The following XPR1 variants were observed in gnomAD, a reference collection of about 807,000 sequenced individuals.
XPR1 encodes the protein xenotropic and polytropic retrovirus receptor 1.
Under a neutral mutation model 87.5 loss-of-function variants are expected in XPR1, and 28 were observed. That is an observed-to-expected ratio of 0.32 (90% confidence interval 0.24 to 0.44). The LOEUF (loss-of-function observed/expected upper bound fraction) is 0.44. Among genes scored for constraint, XPR1 ranks in the 20% least tolerant of loss-of-function variants. The pLI, the probability that XPR1 is intolerant of heterozygous loss-of-function variation, is 1.00. For synonymous variants in XPR1, 300 were observed against 306.1 expected (o/e 0.98, Z 0.21); for missense variants, 559 against 862.3 (o/e 0.65, Z 4.41).
chr1:180,682,415 A>G lies in XPR1; in HGVS notation c.121+4A>G, dbSNP rs1020653779. The G allele has an allele frequency of 1.9e-6, 3 of 1,601,166 alleles. No individual in the cohort carries two copies. Among genetic ancestry groups the G allele is most frequent in the Non-Finnish European group, 1.7e-6 (2 of 1,173,456 alleles). On this transcript the variant is annotated splice_donor_region_variant and intron_variant, in intron 2 of 14. Transcript: ENST00000367590. ...GACCAGGCACCTTCTGTGGAAGGTAAGATGAATTAACCCTTAAGTTTAGTC... is the reference window on the plus strand; with the variant it reads ...GACCAGGCACCTTCTGTGGAAGGTAGGATGAATTAACCCTTAAGTTTAGTC...
intron 2 of XPR1, among the ~76,000 whole-genome samples, chr1:180,786,426 C>CT (rs1649142346): frequency 6.6e-6 from 1 of 152,086 alleles, no homozygotes; most frequent in African/African-American, 2.4e-5. Flanking sequence ...GGAATCTATA[C>CT]TTTTTCTACA....
intron 3 of XPR1, among the ~76,000 whole-genome samples, chr1:180,800,532 G>A (rs749043209): frequency 4.6e-5 from 7 of 152,230 alleles, no homozygotes; most frequent in South Asian, 2.1e-4. Context: ...AACACCTTGC[G>A]TTTAGCCTTA....
chr1:180,758,128 C>CACACACACACACACAT (rs1647831236), intron 2 of XPR1, among the ~76,000 whole-genome samples: 1 of 143,974 alleles, frequency 6.9e-6, no homozygotes, highest in Non-Finnish European at 1.5e-5. Context: ...CACACACACA[C>CACACACACACACACAT]ACACACACAC....
rs1012226563 is a variant in XPR1, at chr1:180,884,160, A to G, written c.*94A>G. ...CTCTAGTACCTTTCCAGCCGAAAAC[A>G]GGAGAAAACACATAACACATTTTCC... On this transcript the variant is annotated 3_prime_UTR_variant, in exon 15 of 15. Transcript: ENST00000367590. The G allele has an allele frequency of 4.6e-6, 5 of 1,083,822 alleles. No individual in the cohort carries two copies. Among genetic ancestry groups the G allele is most frequent in the Non-Finnish European group, 6.8e-6 (5 of 739,948 alleles). The allele number at this position is 1,083,822 out of a possible 1,614,324, so 67.1% of individuals were successfully genotyped here. A position where few individuals can be genotyped will look rare whatever the true frequency, so the allele number is the denominator to read the frequency against.
At position 180,803,269 on chromosome 1, in the gene XPR1, A is replaced by G. The variant is rs1392578316; in HGVS notation, c.224-119A>G. On this transcript the variant is annotated intron_variant, in intron 3 of 14. Transcript: ENST00000367590. The stretch of plus-strand genomic sequence containing the variant: ...TTTTTCCTATAGAGTTCTAAATATT[A>G]CATGTAACGGTTTTCTTCTAGAAAT... The G allele has an allele frequency of 5.5e-6, 5 of 903,138 alleles. No homozygotes were observed. In the African/African-American group the frequency reaches 8.4e-5, roughly 15 times the overall value. The allele number at this position is 903,138 out of a possible 1,614,324, so 55.9% of individuals were successfully genotyped here.
intron 2 of XPR1, among the ~76,000 whole-genome samples, chr1:180,703,271 C>CA (rs1557964729): frequency 1.3e-5 from 2 of 152,052 alleles, no homozygotes; most frequent in Non-Finnish European, 2.9e-5. Context: ...ATTCCCAGGT[C>CA]ACTAGTTGGC....
chr1:180,786,311 G>A (rs183090603), intron 2 of XPR1, among the ~76,000 whole-genome samples: 36 of 152,222 alleles, frequency 2.4e-4, no homozygotes, highest in African/African-American at 8.7e-4. Context: ...GTGTGTATGT[G>A]TCTCACATAC....
intron 1 of XPR1, among the ~76,000 whole-genome samples, chr1:180,661,118 T>C (rs951613591): frequency 6.6e-6 from 1 of 152,202 alleles, no homozygotes; most frequent in Non-Finnish European, 1.5e-5. Flanking sequence ...TCTATTCTTA[T>C]ATTTTTTGTT....
At position 180,876,209 on chromosome 1, in the gene XPR1, T is replaced by C. The variant is rs1652658402; in HGVS notation, c.1808+2267T>C. On this transcript the variant is annotated intron_variant, in intron 13 of 14. Transcript: ENST00000367590. ...TGATATATAAGCCTACAATGACATT[T>C]TAATAAAAACTAATCTGTCTCATGT... 1.3e-5 allele frequency among the ~76,000 whole-genome samples: 2 copies of C among 152,196 alleles called. 1 individual carries two copies. The highest frequency in any genetic ancestry group is 4.1e-4 in the South Asian group (2 of 4,832).
At chr1:180,647,454 G>A (rs1655155158) in intron 1 of XPR1, among the ~76,000 whole-genome samples, 1 of 152,172 alleles carries the variant, frequency 6.6e-6, no homozygotes, top group Admixed American at 6.5e-5. Context: ...GTCTGTTGTT[G>A]ACCAAAACGT....
chr1:180,632,130 G>A lies in XPR1; in HGVS notation c.-72G>A, dbSNP rs1296000175. ...GCCGCGCCGGGGCCCATGTGGGGAG[G>A]AGTCGGAGTCGCTGTTGCCGCCGCC... On this transcript the variant is annotated 5_prime_UTR_variant, in exon 1 of 15. Transcript: ENST00000367590. 5.2e-6 allele frequency: 8 copies of A among 1,534,362 alleles called. No individual in the cohort carries two copies. In the East Asian group the frequency reaches 1.5e-4, roughly 28 times the overall value.
chr1:180,704,924 A>C (rs534333345), intron 2 of XPR1, among the ~76,000 whole-genome samples: 1 of 143,478 alleles, frequency 7.0e-6, no homozygotes, highest in South Asian at 2.2e-4. Context: ...TGGGTTATTC[A>C]CTGTTTCAGG....
chr1:180,761,038 G>C (rs1182010742), intron 2 of XPR1, among the ~76,000 whole-genome samples: 1 of 152,122 alleles, frequency 6.6e-6, no homozygotes, highest in East Asian at 1.9e-4. Context: ...TTTAATAAAT[G>C]GTGCTGGGAA....
chr1:180,745,660 A>G (rs2102029542), intron 2 of XPR1, among the ~76,000 whole-genome samples: 1 of 152,222 alleles, frequency 6.6e-6, no homozygotes, highest in Admixed American at 6.5e-5. Flanking sequence ...GATTTAGAGG[A>G]TTTTTGGAAC....
At chr1:180,802,621 A>G (rs947111524) in intron 3 of XPR1, among the ~76,000 whole-genome samples, 11 of 152,310 alleles carry the variant, frequency 7.2e-5, no homozygotes, top group Middle Eastern at 3.4e-3. Flanking sequence ...CATCACTACC[A>G]ATTCTGGAAC....
At position 180,824,835 on chromosome 1, in the gene XPR1, T is replaced by G; in HGVS notation, c.846T>G (p.Leu282=). ...GTGGCTTTCTTCTGATTGAATTCCT[T>G]TTTCTACTGGGCATCAACACGTATG... The part of the protein sequence containing the change: ...YRGGFLLIEF[L]FLLGINTYGW... The change falls in exon 8 of 15, where the codon CTT becomes CTG. Residue 282 remains leucine, a synonymous_variant. Coordinates refer to ENST00000367590, the MANE Select transcript of XPR1 (RefSeq NM_004736.4). The G allele has an allele frequency of 9.9e-6, 16 of 1,614,124 alleles. No individual in the cohort carries two copies. The highest frequency in any genetic ancestry group is 1.4e-5 in the Non-Finnish European group (16 of 1,179,988).
chr1:180,671,887 CA>C (rs1656194238), intron 1 of XPR1, among the ~76,000 whole-genome samples: 1 of 152,074 alleles, frequency 6.6e-6, no homozygotes, highest in Non-Finnish European at 1.5e-5. Flanking sequence ...CGCGTCTAGC[CA>C]ATATATTCTT....
chr1:180,731,877 G>A (rs1272010335), intron 2 of XPR1, among the ~76,000 whole-genome samples: 2 of 152,066 alleles, frequency 1.3e-5, no homozygotes, highest in Admixed American at 6.6e-5. Context: ...GAGCTTTTAC[G>A]GGTTTTTAAA....
chr1:180,671,832 TG>T (rs1656189241), intron 1 of XPR1, among the ~76,000 whole-genome samples: 1 of 152,036 alleles, frequency 6.6e-6, no homozygotes. Flanking sequence ...TTTGTTTGTT[TG>T]TTTAAAGAGA....
Sources: allele counts gnomAD v4.1 joint callset (sites outside exome capture counted in the v4.1 genomes callset), GRCh38; gene constraint gnomAD v4.1.1; transcripts MANE v1.5; gene names NCBI Gene and HGNC (gene_info 2026-07-23, HGNC 2026-07-21).